The following CEP57L1 variants were observed in gnomAD, a reference collection of about 807,000 sequenced individuals.
CEP57L1 encodes centrosomal protein 57 like 1.
A neutral mutation model predicts 61.0 loss-of-function variants in CEP57L1; 37 were observed. That is an observed-to-expected ratio of 0.61 (90% CI 0.47 to 0.80). CEP57L1 has a LOEUF of 0.80. CEP57L1 is among the 30% of genes least tolerant of loss of function. CEP57L1 has a pLI of 0.00. For synonymous variants in CEP57L1, 137 were observed against 162.3 expected (o/e 0.84, Z 1.19); for missense variants, 422 against 524.7 (o/e 0.80, Z 1.91).
intron 1 of CEP57L1, among the ~76,000 whole-genome samples, chr6:109,129,896 C>T (rs1363719236): frequency 6.6e-6 from 1 of 151,760 alleles, no homozygotes; most frequent in African/African-American, 2.4e-5. Flanking sequence ...CAAGTGGGAG[C>T]AAAAGTAAGT....
At chr6:109,120,718 C>T (rs565737824) in intron 1 of CEP57L1, among the ~76,000 whole-genome samples, 3 of 152,114 alleles carry the variant, frequency 2.0e-5, no homozygotes, top group Admixed American at 6.6e-5. Flanking sequence ...AGTAGGTTGA[C>T]TTTCATATTC....
At chr6:109,142,303 C>G (rs2114842004) in intron 1 of CEP57L1, among the ~76,000 whole-genome samples, 1 of 152,234 alleles carries the variant, frequency 6.6e-6, no homozygotes, top group East Asian at 1.9e-4. Context: ...GAGATCATGT[C>G]CTTGGCAGAG....
Position 109,166,304 on chromosome 6 carries a change from CT to C in CEP57L1, c.*3341del, listed in dbSNP as rs1346127989. On this transcript the variant is annotated 3_prime_UTR_variant, in exon 11 of 11. Transcript: ENST00000517392. ...TTTTGGTAGCTTTCTTACTTTATTC[CT>C]TTTTTTCTATACCTGCCAGTAGATG... Among the ~76,000 whole-genome samples, 1 of 150,296 alleles carries C rather than the reference CT, an allele frequency of 6.7e-6. No individual in the cohort carries two copies. The highest frequency in any genetic ancestry group is 2.4e-5 in the African/African-American group (1 of 40,932).
chr6:109,153,297 G>A (rs1471146475), intron 4 of CEP57L1, among the ~76,000 whole-genome samples: 10 of 141,510 alleles, frequency 7.1e-5, no homozygotes, highest in African/African-American at 2.4e-4. Flanking sequence ...ACTGGAGTGC[G>A]GTAGCACAGT....
chr6:109,132,924 A>AT (rs1209264168), intron 1 of CEP57L1, among the ~76,000 whole-genome samples: 27 of 151,672 alleles, frequency 1.8e-4, no homozygotes, highest in Non-Finnish European at 3.5e-4. Flanking sequence ...CCTTATGCTT[A>AT]TTTTTTCTAT....
upstream of CEP57L1, chr6:109,095,302 CAAAG>C (rs1283788300): frequency 1.0e-6 from 1 of 985,900 alleles, no homozygotes; most frequent in Non-Finnish European, 1.2e-6. Flanking sequence ...ACAAGCACGA[CAAAG>C]AAAGAGGGCG....
At chr6:109,106,845 C>T (rs908519715) in intron 1 of CEP57L1, among the ~76,000 whole-genome samples, 17 of 152,068 alleles carry the variant, frequency 1.1e-4, no homozygotes, top group South Asian at 2.1e-4. Flanking sequence ...GAGGCTGAGG[C>T]GGGAAAATTT....
At chr6:109,132,313 T>C (rs1774283790) in intron 1 of CEP57L1, among the ~76,000 whole-genome samples, 8 of 152,146 alleles carry the variant, frequency 5.3e-5, no homozygotes. Flanking sequence ...CTGGGCAATA[T>C]AGTGAGACCC....
chr6:109,150,696 C>T (rs776441441), intron 4 of CEP57L1, among the ~76,000 whole-genome samples: 3 of 150,302 alleles, frequency 2.0e-5, no homozygotes, highest in Non-Finnish European at 4.4e-5. Context: ...TTAAAAGCAT[C>T]CAGAAAAAAA....
chr6:109,149,984 T>A, intron 3 of CEP57L1, 134 bp from the exon 4 acceptor site: 1 of 421,662 alleles, frequency 2.4e-6, no homozygotes, highest in South Asian at 2.5e-5. Context: ...CCTGAGACTT[T>A]GCTGAAGTTG....
intron 1 of CEP57L1, among the ~76,000 whole-genome samples, chr6:109,142,243 A>T (rs1489305564): frequency 1.3e-5 from 2 of 152,230 alleles, no homozygotes; most frequent in South Asian, 2.1e-4. Context: ...TAGATAAAGA[A>T]AATGTGGTAC....
chr6:109,155,368 T>C lies in CEP57L1; in HGVS notation c.657+61T>C, dbSNP rs1034954944. 20 of 863,454 alleles carry C rather than the reference T, an allele frequency of 2.3e-5. No individual in the cohort carries two copies. The African/African-American group carries it at 3.4e-4, about 15-fold the overall frequency. The allele number at this position is 863,454 out of a possible 1,614,324, so 53.5% of individuals were successfully genotyped here. On this transcript the variant is annotated intron_variant, in intron 6 of 10. Transcript: ENST00000517392. Reference sequence around the variant, plus strand: ...CATATATGTTTTATTATATTTTTATTTTCATTAACTGAAGCCTATGTTCTA... The same window carrying C: ...CATATATGTTTTATTATATTTTTATCTTCATTAACTGAAGCCTATGTTCTA...
chr6:109,167,496 A>G lies in CEP57L1; in HGVS notation c.*4526A>G, dbSNP rs1774183238. Among the ~76,000 whole-genome samples the G allele has an allele frequency of 6.6e-6, 1 of 152,108 alleles. No homozygotes were observed. Among genetic ancestry groups the G allele is most frequent in the African/African-American group, 2.4e-5 (1 of 41,408 alleles). On this transcript the variant is annotated 3_prime_UTR_variant, in exon 11 of 11. Transcript: ENST00000517392. ...CAGGAGTTCAACACCAGCCTGGCCA[A>G]TGTAGTGAAACCCTGTCTCTACTAA...
rs1774427277 is a variant in CEP57L1 at position 109,171,988 on chromosome 6, G to C, written c.*9018G>C. 6.6e-6 allele frequency among the ~76,000 whole-genome samples: 1 copy of C among 152,104 alleles called. No individual in the cohort carries two copies. The highest frequency in any genetic ancestry group is 1.5e-5 in the Non-Finnish European group (1 of 68,020). On this transcript the variant is annotated 3_prime_UTR_variant, in exon 11 of 11. Transcript: ENST00000517392. ...CGGGTGGTCCCCAAGACCACCTTCAGGATCAGTGATTCACTGGAGGGACTC... is the reference window on the plus strand; with the variant it reads ...CGGGTGGTCCCCAAGACCACCTTCACGATCAGTGATTCACTGGAGGGACTC...
chr6:109,130,762 T>A lies in CEP57L1; in HGVS notation c.-3-14457T>A, dbSNP rs558291107. The A allele has an allele frequency of 9.8e-4, 149 of 151,748 alleles. 1 individual carries two copies. The highest frequency in any genetic ancestry group is 3.5e-3 in the African/African-American group (146 of 41,406). 9.4% of individuals were successfully genotyped at this position (151,748 alleles called of 1,614,324 possible). ...TTCAGGTTATGCTTTCTGGCCAGAATACTGCATAGGTGATGTTGCGTCCTT... is the reference window on the plus strand; with the variant it reads ...TTCAGGTTATGCTTTCTGGCCAGAAAACTGCATAGGTGATGTTGCGTCCTT... On this transcript the variant is annotated intron_variant, in intron 1 of 10. Transcript: ENST00000517392.
At chr6:109,126,952 G>C (rs1333528843) in intron 1 of CEP57L1, among the ~76,000 whole-genome samples, 4 of 152,148 alleles carry the variant, frequency 2.6e-5, no homozygotes, top group Non-Finnish European at 5.9e-5. Flanking sequence ...CGGATCACAA[G>C]GTCAAGAGAT....
At chr6:109,153,174 C>A (rs1405810082) in intron 4 of CEP57L1, among the ~76,000 whole-genome samples, 1 of 137,638 alleles carries the variant, frequency 7.3e-6, no homozygotes, top group East Asian at 2.1e-4. Context: ...ATATTCTATA[C>A]AAAGATGCAT....
chr6:109,151,220 T>G (rs1298256444), intron 4 of CEP57L1, among the ~76,000 whole-genome samples: 1 of 152,152 alleles, frequency 6.6e-6, no homozygotes, highest in African/African-American at 2.4e-5. Flanking sequence ...GTCAAATACA[T>G]AACAGATTTT....
chr6:109,129,863 T>G (rs1773983776), intron 1 of CEP57L1, among the ~76,000 whole-genome samples: 1 of 152,104 alleles, frequency 6.6e-6, no homozygotes, highest in South Asian at 2.1e-4. Flanking sequence ...AAAAATTGTT[T>G]TAATATTATT....
Sources: gnomAD v4.1 joint callset for allele counts (sites outside exome capture counted in the v4.1 genomes callset) on GRCh38, gnomAD v4.1.1 for gene constraint, MANE v1.5 for transcripts, NCBI Gene and HGNC (gene_info 2026-07-23, HGNC 2026-07-21) for gene names.